SORCS1: variants seen among roughly 807,000 people sequenced by gnomAD.
The protein encoded by SORCS1 is sortilin related VPS10 domain containing receptor 1.
A neutral mutation model predicts 146.1 loss-of-function variants in SORCS1; 60 were observed. The ratio of observed to expected loss-of-function variants is 0.41; its 90% CI spans 0.33 to 0.51. SORCS1 has a LOEUF of 0.51. Among genes scored for constraint, SORCS1 ranks in the 20% least tolerant of loss-of-function variants. The pLI, the probability that SORCS1 is intolerant of heterozygous loss-of-function variation, is 0.21. For synonymous variants in SORCS1, 637 were observed against 584.0 expected (o/e 1.09, Z -1.31); for missense variants, 1,352 against 1,487.6 (o/e 0.91, Z 1.50).
At position 106,746,562 on chromosome 10, in the gene SORCS1, G is replaced by T. The variant is rs148920186; in HGVS notation, c.959+15026C>A. On this transcript the variant is annotated intron_variant, in intron 5 of 25. Coordinates refer to ENST00000263054, the MANE Select transcript of SORCS1 (RefSeq NM_052918.5). ...CTTATATTTATGATTCAGGCATTTC[G>T]ACAATCACAAAATAATTAAGCTACT... is the stretch of plus-strand genomic sequence containing the variant. Among the ~76,000 whole-genome samples the T allele has an allele frequency of 1.6e-4, 25 of 152,158 alleles. 1 individual carries two copies. The highest frequency in any genetic ancestry group is 3.7e-4 in the Non-Finnish European group (25 of 68,030).
At chr10:107,095,411 T>C (rs7083256) in intron 1 of SORCS1, among the ~76,000 whole-genome samples, 4,728 of 152,224 alleles carry the variant, frequency 0.031, 240 homozygotes, top group African/African-American at 0.11. Context: ...TCATGCTGCA[T>C]GTAGCCATGA....
intron 9 of SORCS1, among the ~76,000 whole-genome samples, chr10:106,691,942 T>C (rs536887333): frequency 2.0e-5 from 3 of 152,216 alleles, no homozygotes; most frequent in Non-Finnish European, 2.9e-5. Context: ...TCTCACATTA[T>C]GGTCTCCTAC....
rs183734827 is a variant in SORCS1, at chr10:106,812,828, A to T, written c.726+16746T>A. 8.1e-4 allele frequency among the ~76,000 whole-genome samples: 124 copies of T among 152,322 alleles called. 1 individual carries two copies. Among genetic ancestry groups the T allele is most frequent in the Middle Eastern group, 6.8e-3 (2 of 294 alleles). ...AGTAGTTCCTACAGAAAAAGCAAGT[A>T]CCTACAGATTTAATGGTAGTATATC... is the stretch of plus-strand genomic sequence containing the variant. On this transcript the variant is annotated intron_variant, in intron 3 of 25. Coordinates refer to ENST00000263054, the MANE Select transcript of SORCS1 (RefSeq NM_052918.5).
rs1435746962 is a variant in SORCS1, at chr10:106,726,185, C to CTCTCTTTT, written c.1024+3864_1024+3865insAAAAGAGA. Reference sequence around the variant, plus strand: ...TTATTGAGACAATCTCTTTCCCTCTCTTTTTTTTTTTTTTTTTTTTTTACA... The same window carrying CTCTCTTTT: ...TTATTGAGACAATCTCTTTCCCTCTCTCTCTTTTTTTTTTTTTTTTTTTTTTTTTTACA... On this transcript the variant is annotated intron_variant, in intron 6 of 25. Coordinates refer to ENST00000263054, the MANE Select transcript of SORCS1 (RefSeq NM_052918.5). Among the ~76,000 whole-genome samples, 33 of 66,298 alleles carry CTCTCTTTT rather than the reference C, an allele frequency of 5.0e-4. 1 individual carries two copies. The highest frequency in any genetic ancestry group is 1.4e-3 in the African/African-American group (22 of 15,710). The allele number at this position is 66,298 out of a possible 152,430, so 43.5% of individuals were successfully genotyped here. A position where few individuals can be genotyped will look rare whatever the true frequency, so the allele number is the denominator to read the frequency against.
intron 3 of SORCS1, among the ~76,000 whole-genome samples, chr10:106,818,586 G>A (rs566346364): frequency 2.6e-5 from 4 of 152,214 alleles, no homozygotes; most frequent in African/African-American, 7.2e-5. Context: ...GGATAGTCTC[G>A]ATCTCTTGAC....
chr10:106,741,688 TAA>T (rs1167106912), intron 5 of SORCS1, among the ~76,000 whole-genome samples: 3 of 152,124 alleles, frequency 2.0e-5, no homozygotes, highest in African/African-American at 7.2e-5. Context: ...CTGCAAGCGT[TAA>T]GTGTATTGGC....
intron 1 of SORCS1, among the ~76,000 whole-genome samples, chr10:107,028,095 A>T (rs1958487571): frequency 1.3e-5 from 2 of 152,214 alleles, no homozygotes; most frequent in East Asian, 1.9e-4. Context: ...ATCGCTCATG[A>T]ATTGAATTAA....
Position 106,675,905 on chromosome 10 carries a change from T to C in SORCS1, c.1833-749A>G, listed in dbSNP as rs138069155. Among the ~76,000 whole-genome samples, 66 of 152,282 alleles carry C rather than the reference T, an allele frequency of 4.3e-4. 1 individual carries two copies. The East Asian group carries it at 0.011, about 26-fold the overall frequency. ...GGATACAGCAAAATGGTGCTATCTA[T>C]AAACCCAAAAGTGGAACCCTCATCA... is the stretch of plus-strand genomic sequence containing the variant. On this transcript the variant is annotated intron_variant, in intron 13 of 25. Coordinates refer to ENST00000263054, the MANE Select transcript of SORCS1 (RefSeq NM_052918.5).
chr10:106,617,139 G>A (rs1180892577), intron 21 of SORCS1, among the ~76,000 whole-genome samples: 1 of 151,934 alleles, frequency 6.6e-6, no homozygotes, highest in Non-Finnish European at 1.5e-5. Context: ...ATTTTTAGTA[G>A]AGATGGGGTT....
intron 2 of SORCS1, among the ~76,000 whole-genome samples, chr10:106,896,378 A>T (rs1951475429): frequency 6.6e-6 from 1 of 151,064 alleles, no homozygotes; most frequent in Non-Finnish European, 1.5e-5. Flanking sequence ...GCAGTGAGCC[A>T]AGATTGCGCC....
chr10:107,065,737 C>T (rs890418589), intron 1 of SORCS1, among the ~76,000 whole-genome samples: 18 of 151,942 alleles, frequency 1.2e-4, no homozygotes, highest in African/African-American at 3.9e-4. Flanking sequence ...AGGCTGGTCT[C>T]GAACTCCTGA....
At chr10:106,582,843 G>C (rs773018843) in intron 24 of SORCS1, among the ~76,000 whole-genome samples, 2 of 152,146 alleles carry the variant, frequency 1.3e-5, no homozygotes, top group African/African-American at 4.8e-5. Flanking sequence ...TTTTATTCAT[G>C]AGGACCTGGA....
At chr10:106,715,606 T>C (rs986454627) in intron 6 of SORCS1, among the ~76,000 whole-genome samples, 1 of 152,222 alleles carries the variant, frequency 6.6e-6, no homozygotes, top group Non-Finnish European at 1.5e-5. Flanking sequence ...TCTTGAAATG[T>C]GTTGAGTCTA....
chr10:106,723,773 T>G (rs1261544076), intron 6 of SORCS1, among the ~76,000 whole-genome samples: 3 of 152,198 alleles, frequency 2.0e-5, no homozygotes, highest in Non-Finnish European at 4.4e-5. Flanking sequence ...CACATTCCTA[T>G]GCAGACACTT....
chr10:106,613,247 T>C, intron 21 of SORCS1, among the ~76,000 whole-genome samples: 1 of 152,168 alleles, frequency 6.6e-6, no homozygotes, highest in East Asian at 1.9e-4. Context: ...AGATGGTGAT[T>C]ACACAGGCAA....
At chr10:107,070,453 G>C (rs1439393990) in intron 1 of SORCS1, among the ~76,000 whole-genome samples, 4 of 152,120 alleles carry the variant, frequency 2.6e-5, no homozygotes, top group Admixed American at 1.3e-4. Flanking sequence ...GAGATAAAAA[G>C]AGTTAATGAA....
intron 2 of SORCS1, among the ~76,000 whole-genome samples, chr10:106,947,670 C>A (rs1164541430): frequency 2.6e-5 from 4 of 152,012 alleles, no homozygotes; most frequent in Non-Finnish European, 4.4e-5. Context: ...ATGGTGAAAC[C>A]CTGTCTCTAC....
intron 1 of SORCS1, among the ~76,000 whole-genome samples, chr10:107,162,521 T>C (rs1168648997): frequency 2.6e-5 from 4 of 152,198 alleles, no homozygotes; most frequent in Non-Finnish European, 4.4e-5. Context: ...ATTTATTTGA[T>C]CAAACCACTC....
chr10:107,102,958 G>A (rs776304422), intron 1 of SORCS1, among the ~76,000 whole-genome samples: 11 of 151,948 alleles, frequency 7.2e-5, no homozygotes, highest in Non-Finnish European at 1.0e-4. Flanking sequence ...TCAATCTTCC[G>A]TCTTCAGTGA....
Sources: allele counts gnomAD v4.1 joint callset (sites outside exome capture counted in the v4.1 genomes callset), GRCh38; gene constraint gnomAD v4.1.1; transcripts MANE v1.5; gene names NCBI Gene and HGNC (gene_info 2026-07-23, HGNC 2026-07-21).